The following TLK2 variants were observed in gnomAD, a reference collection of about 807,000 sequenced individuals.
TLK2 encodes the protein tousled like kinase 2.
TLK2 carries 6 observed loss-of-function variants against 117.3 expected under a neutral mutation model. That is an observed-to-expected ratio of 0.05 (90% CI 0.03 to 0.10). The LOEUF is 0.10. Among genes scored for constraint, TLK2 ranks in the 10% least tolerant of loss-of-function variants. The probability of loss-of-function intolerance (pLI) is 1.00; values close to 1 mark genes in which losing one functional copy is unlikely to be tolerated. For synonymous variants in TLK2, 257 were observed against 316.7 expected (o/e 0.81, Z 2.00); for missense variants, 299 against 901.2 (o/e 0.33, Z 8.56).
At chr17:62,558,258 C>T (rs925703460) in intron 9 of TLK2, among the ~76,000 whole-genome samples, 2 of 152,020 alleles carry the variant, frequency 1.3e-5, no homozygotes, top group African/African-American at 2.4e-5. Flanking sequence ...CAGCCTCGAC[C>T]TCCCAGGCTC....
intron 19 of TLK2, among the ~76,000 whole-genome samples, chr17:62,604,769 CGTG>C (rs1201199234): frequency 6.6e-6 from 1 of 151,176 alleles, no homozygotes; most frequent in Non-Finnish European, 1.5e-5. Context: ...ATTAGCTGGG[CGTG>C]GTGGTGCACG....
chr17:62,602,711 C>T (rs1365199079), intron 19 of TLK2, among the ~76,000 whole-genome samples: 1 of 152,190 alleles, frequency 6.6e-6, no homozygotes, highest in Admixed American at 6.5e-5. Flanking sequence ...TAGCCATGAT[C>T]TAAAAGTTTT....
chr17:62,573,135 A>C (rs1284857630), intron 11 of TLK2, 80 bp from the exon 12 acceptor site: 1 of 1,456,338 alleles, frequency 6.9e-7, no homozygotes, highest in African/African-American at 1.4e-5. Context: ...TGGATACACA[A>C]GTGACAAATT....
chr17:62,532,112 C>G (rs562627887), intron 6 of TLK2, among the ~76,000 whole-genome samples: 1 of 152,236 alleles, frequency 6.6e-6, no homozygotes, highest in African/African-American at 2.4e-5. Context: ...CCTAATTTCC[C>G]TTAGATTTTG....
chr17:62,493,919 G>A (rs1233341918), intron 2 of TLK2, among the ~76,000 whole-genome samples: 3 of 151,958 alleles, frequency 2.0e-5, no homozygotes, highest in East Asian at 1.9e-4. Flanking sequence ...CACCATGCCC[G>A]GCTAATTTTT....
intron 15 of TLK2, among the ~76,000 whole-genome samples, chr17:62,584,634 T>C (rs180786007): frequency 3.3e-5 from 5 of 152,194 alleles, no homozygotes; most frequent in African/African-American, 9.6e-5. Context: ...GGCAAACACA[T>C]TGAAGCCCTG....
At chr17:62,559,339 TTTGTATTTTAAACATTCA>T (rs2079083093) in intron 9 of TLK2, among the ~76,000 whole-genome samples, 1 of 152,132 alleles carries the variant, frequency 6.6e-6, no homozygotes, top group Non-Finnish European at 1.5e-5. Flanking sequence ...TTAATCACTC[TTTGTATTTTAAACATTCA>T]TTGTAGTTTA....
intron 2 of TLK2, among the ~76,000 whole-genome samples, chr17:62,501,192 C>A (rs572136036): frequency 6.6e-6 from 1 of 151,956 alleles, no homozygotes. Context: ...GAGCCAAGAT[C>A]GTGCCACTAC....
At chr17:62,540,099 CTTTTT>C (rs571889873) in intron 7 of TLK2, among the ~76,000 whole-genome samples, 2 of 125,110 alleles carry the variant, frequency 1.6e-5, no homozygotes, top group Non-Finnish European at 3.5e-5. Flanking sequence ...TCTTTCTTTT[CTTTTT>C]TTTTTTTTTT....
chr17:62,479,447 G>A (rs1020479378), intron 1 of TLK2, among the ~76,000 whole-genome samples, 157 bp downstream of exon 1: 4 of 152,090 alleles, frequency 2.6e-5, no homozygotes, highest in Non-Finnish European at 5.9e-5. Flanking sequence ...GCTCCCTGAG[G>A]GCTGCGGGTC....
intron 10 of TLK2, among the ~76,000 whole-genome samples, chr17:62,563,318 C>T (rs2079449547): frequency 1.3e-5 from 2 of 152,118 alleles, no homozygotes; most frequent in African/African-American, 4.8e-5. Context: ...GTGGCACACA[C>T]CTGTAGTCCT....
At chr17:62,546,341 A>ATTTTTTTTTTTTTT (rs1385208928) in intron 7 of TLK2, among the ~76,000 whole-genome samples, 45 of 8,816 alleles carry the variant, frequency 5.1e-3, no homozygotes, top group South Asian at 0.027. Flanking sequence ...GAGTTTGTTG[A>ATTTTTTTTTTTTTT]TTGTTTTTTT....
chr17:62,608,465 C>T (rs531448056), intron 21 of TLK2, among the ~76,000 whole-genome samples: 7 of 152,144 alleles, frequency 4.6e-5, no homozygotes, highest in African/African-American at 1.2e-4. Flanking sequence ...ACGAAAGATA[C>T]CCAGCTTCAT....
rs544900638 is a variant in TLK2, at chr17:62,505,407, A to ATTTTTTTTTTTTTTTTTTTTTT, written c.82-15361_82-15340dup. ...TACAGTCATGCACTACCATACCCAG[A>ATTTTTTTTTTTTTTTTTTTTTT]TTTTTTTTTTTTTTTTTTTTTTTTT... On this transcript the variant is annotated intron_variant, in intron 2 of 21. Coordinates refer to ENST00000346027, the MANE Select transcript of TLK2 (RefSeq NM_006852.6). Among the ~76,000 whole-genome samples the ATTTTTTTTTTTTTTTTTTTTTT allele has an allele frequency of 1.7e-4, 9 of 53,768 alleles. 2 individuals carry two copies. Among genetic ancestry groups the ATTTTTTTTTTTTTTTTTTTTTT allele is most frequent in the African/African-American group, 6.5e-4 (7 of 10,816 alleles). The allele number at this position is 53,768 out of a possible 152,430, so 35.3% of individuals were successfully genotyped here.
At chr17:62,508,822 G>A (rs145905321) in intron 2 of TLK2, among the ~76,000 whole-genome samples, 1 of 152,094 alleles carries the variant, frequency 6.6e-6, no homozygotes, top group Non-Finnish European at 1.5e-5. Flanking sequence ...ACAAAAATTA[G>A]CCAAGCGTGG....
intron 2 of TLK2, among the ~76,000 whole-genome samples, chr17:62,486,459 C>T (rs1164686518): frequency 6.6e-6 from 1 of 152,176 alleles, no homozygotes; most frequent in Non-Finnish European, 1.5e-5. Flanking sequence ...CGCGCCTGGC[C>T]TGTCCTACCT....
intron 17 of TLK2, among the ~76,000 whole-genome samples, chr17:62,598,370 C>G (rs910376653): frequency 6.6e-6 from 1 of 152,172 alleles, no homozygotes; most frequent in African/African-American, 2.4e-5. Flanking sequence ...TGGTTCTATA[C>G]TATTCTTGAG....
intron 2 of TLK2, among the ~76,000 whole-genome samples, chr17:62,492,162 A>G (rs1474906943): frequency 6.6e-6 from 1 of 152,228 alleles, no homozygotes; most frequent in Non-Finnish European, 1.5e-5. Context: ...GGTGGTATTA[A>G]AATATAAACC....
intron 2 of TLK2, among the ~76,000 whole-genome samples, chr17:62,505,878 A>C (rs1239896710): frequency 6.6e-6 from 1 of 152,010 alleles, no homozygotes; most frequent in Non-Finnish European, 1.5e-5. Context: ...TTTTTTGTAG[A>C]GATGGGGTTT....
Sources: allele counts gnomAD v4.1 joint callset (sites outside exome capture counted in the v4.1 genomes callset), GRCh38; gene constraint gnomAD v4.1.1; transcripts MANE v1.5; gene names NCBI Gene and HGNC (gene_info 2026-07-23, HGNC 2026-07-21).